The following NRXN1 variants were observed in gnomAD, a reference collection of about 807,000 sequenced individuals.
NRXN1 encodes the protein neurexin-1.
Under a neutral mutation model 150.9 loss-of-function variants are expected in NRXN1, and 39 were observed. The ratio of observed to expected loss-of-function variants is 0.26; its 90% confidence interval spans 0.20 to 0.34. The LOEUF (loss-of-function observed/expected upper bound fraction) is 0.34, where lower values mean the gene tolerates loss of function less well. Among genes scored for constraint, NRXN1 ranks in the 10% least tolerant of loss-of-function variants. NRXN1 has a pLI of 1.00. For missense variants in NRXN1, 1,815 were observed against 1,949.9 expected (o/e 0.93, Z 1.30); for synonymous variants, 924 against 757.0 (o/e 1.22, Z -3.62).
chr2:50,064,864 A>C (rs1191346216), intron 19 of NRXN1, among the ~76,000 whole-genome samples: 1 of 152,206 alleles, frequency 6.6e-6, no homozygotes, highest in Non-Finnish European at 1.5e-5. Flanking sequence ...AGCCTTTGTA[A>C]CATGAGGGCA....
intron 2 of NRXN1, among the ~76,000 whole-genome samples, chr2:50,989,502 G>A (rs1434839998): frequency 6.6e-6 from 1 of 151,882 alleles, no homozygotes; most frequent in African/African-American, 2.4e-5. Context: ...ATTGTTTTCT[G>A]TCCCTGTAGT....
rs923016206 is a variant in NRXN1 at position 51,006,436 on chromosome 2, C to A, written c.772+21066G>T. Among the ~76,000 whole-genome samples the A allele has an allele frequency of 5.3e-5, 8 of 151,866 alleles. No individual in the cohort carries two copies. The East Asian group carries it at 1.2e-3, about 22-fold the overall frequency. On this transcript the variant is annotated intron_variant, in intron 2 of 22. Coordinates refer to ENST00000401669, the MANE Select transcript of NRXN1 (RefSeq NM_001330078.2). ...GGGAGGGATAGCATTAGGATATATA[C>A]CTAATGCTAAATGACAAGTTAATGG... is the stretch of plus-strand genomic sequence containing the variant.
chr2:50,732,300 T>C (rs1271871747), intron 5 of NRXN1, among the ~76,000 whole-genome samples: 1 of 152,132 alleles, frequency 6.6e-6, no homozygotes, highest in Non-Finnish European at 1.5e-5. Flanking sequence ...AATAAATTCC[T>C]GGGAATGTAC....
At chr2:49,970,176 A>G (rs1162890877) in intron 21 of NRXN1, 1 of 152,124 alleles carries the variant, frequency 6.6e-6, no homozygotes, top group African/African-American at 2.4e-5. Flanking sequence ...AAGTATTTGA[A>G]TGTTTTTTAT....
intron 17 of NRXN1, among the ~76,000 whole-genome samples, chr2:50,402,975 A>G (rs1297194034): frequency 2.0e-5 from 3 of 152,148 alleles, no homozygotes; most frequent in African/African-American, 7.2e-5. Context: ...TTTCCAAAAC[A>G]AATATTAATG....
At chr2:50,537,347 A>G (rs1362887653) in intron 10 of NRXN1, among the ~76,000 whole-genome samples, 1 of 152,152 alleles carries the variant, frequency 6.6e-6, no homozygotes, top group Non-Finnish European at 1.5e-5. Context: ...TCCATTGTTG[A>G]AAATAAGTGG....
intron 17 of NRXN1, among the ~76,000 whole-genome samples, chr2:50,444,657 T>G (rs2086247189): frequency 6.6e-6 from 1 of 152,088 alleles, no homozygotes. Context: ...GTAAGATAAA[T>G]AACATTTTAA....
Position 49,990,460 on chromosome 2 carries a change from A to G in NRXN1, c.4129-46669T>C, listed in dbSNP as rs935982274. On this transcript the variant is annotated intron_variant, in intron 21 of 22. Transcript: ENST00000401669. ...TCATTGAAGGTTGTAAGAGCAGAAT[A>G]ATGACATAATTTTATTTATATATTT... Among the ~76,000 whole-genome samples the G allele has an allele frequency of 4.6e-5, 7 of 152,204 alleles. 1 individual carries two copies. The highest frequency in any genetic ancestry group is 1.2e-4 in the African/African-American group (5 of 41,456).
At chr2:50,157,722 C>T (rs1233762646) in intron 18 of NRXN1, among the ~76,000 whole-genome samples, 1 of 151,880 alleles carries the variant, frequency 6.6e-6, no homozygotes, top group Non-Finnish European at 1.5e-5. Context: ...AGAAACAATG[C>T]AAATAAAGTC....
chr2:51,026,310 C>T (rs1670457179), intron 2 of NRXN1: 2 of 1,113,490 alleles, frequency 1.8e-6, no homozygotes, highest in Non-Finnish European at 2.7e-6. Flanking sequence ...AAGCTATCTA[C>T]TTTAAATCCT....
intron 15 of NRXN1, among the ~76,000 whole-genome samples, chr2:50,477,002 G>T (rs919293149): frequency 7.2e-5 from 11 of 152,014 alleles, no homozygotes; most frequent in African/African-American, 2.2e-4. Context: ...GCAAAGTGGG[G>T]GAGCATACAA....
At chr2:51,013,634 C>T (rs1037407991) in intron 2 of NRXN1, among the ~76,000 whole-genome samples, 1 of 151,838 alleles carries the variant, frequency 6.6e-6, no homozygotes, top group Admixed American at 6.6e-5. Context: ...AGGCTGCTGA[C>T]CAGAAAAAGA....
At chr2:50,338,067 GAA>G (rs895136304) in intron 17 of NRXN1, among the ~76,000 whole-genome samples, 3 of 152,158 alleles carry the variant, frequency 2.0e-5, no homozygotes, top group African/African-American at 7.2e-5. Flanking sequence ...CTAGTCCCAA[GAA>G]AAAGAATGAG....
intron 18 of NRXN1, among the ~76,000 whole-genome samples, chr2:50,135,677 C>T (rs1447150325): frequency 6.6e-6 from 1 of 151,662 alleles, no homozygotes; most frequent in Non-Finnish European, 1.5e-5. Flanking sequence ...GGCGACAGAG[C>T]AAGACTCCAT....
At chr2:50,312,795 A>C (rs751290794) in intron 17 of NRXN1, 6 of 508,390 alleles carry the variant, frequency 1.2e-5, no homozygotes, top group Non-Finnish European at 2.4e-5. Flanking sequence ...GCTAAAAATA[A>C]ACAAAAACAA....
chr2:49,971,222 G>A (rs1677898147), intron 21 of NRXN1, among the ~76,000 whole-genome samples: 1 of 152,040 alleles, frequency 6.6e-6, no homozygotes, highest in African/African-American at 2.4e-5. Flanking sequence ...CCATCATATA[G>A]TTAATTGATT....
chr2:50,122,031 T>A (rs940837888), intron 18 of NRXN1, among the ~76,000 whole-genome samples: 1 of 152,242 alleles, frequency 6.6e-6, no homozygotes, highest in Non-Finnish European at 1.5e-5. Context: ...TACTGCGTTT[T>A]CATAAAAAGT....
At chr2:50,915,515 G>C (rs1412365668) in intron 5 of NRXN1, among the ~76,000 whole-genome samples, 2 of 151,512 alleles carry the variant, frequency 1.3e-5, no homozygotes, top group Non-Finnish European at 3.0e-5. Flanking sequence ...AAAGTGTAAA[G>C]AGTAACAGAT....
chr2:50,396,388 T>G (rs1428587619), intron 17 of NRXN1, among the ~76,000 whole-genome samples: 2 of 152,206 alleles, frequency 1.3e-5, no homozygotes, highest in African/African-American at 4.8e-5. Flanking sequence ...TCTAAAATTG[T>G]ATTATGGATA....
Sources: allele counts gnomAD v4.1 joint callset (sites outside exome capture counted in the v4.1 genomes callset), GRCh38; gene constraint gnomAD v4.1.1; transcripts MANE v1.5; gene names NCBI Gene and HGNC (gene_info 2026-07-23, HGNC 2026-07-21).